Variants in CDKAL1 observed in about 807,000 individuals in gnomAD.
CDKAL1 encodes threonylcarbamoyladenosine tRNA methylthiotransferase.
CDKAL1 carries 32 observed loss-of-function variants against 68.2 expected under a neutral mutation model. That is an observed-to-expected ratio of 0.47 (90% CI 0.35 to 0.63). The LOEUF is 0.63. Among genes scored for constraint, CDKAL1 ranks in the 30% least tolerant of loss-of-function variants. The probability of loss-of-function intolerance (pLI) is 0.00; values close to 1 mark genes in which losing one functional copy is unlikely to be tolerated. For synonymous variants in CDKAL1, 234 were observed against 244.3 expected, an observed-to-expected ratio of 0.96 and a Z score of 0.39; for missense variants, 606 against 696.7, an observed-to-expected ratio of 0.87 and a Z score of 1.47.
At chr6:20,795,447 C>G (rs1290365418) in intron 8 of CDKAL1, among the ~76,000 whole-genome samples, 1 of 152,104 alleles carries the variant, frequency 6.6e-6, no homozygotes, top group Non-Finnish European at 1.5e-5. Flanking sequence ...TAGCTGCATA[C>G]TATCCTTGAG....
At chr6:20,550,277 C>G (rs1163784527) in intron 4 of CDKAL1, among the ~76,000 whole-genome samples, 1 of 152,108 alleles carries the variant, frequency 6.6e-6, no homozygotes, top group East Asian at 1.9e-4. Flanking sequence ...TGCACCTGGC[C>G]CGTCTTAGTT....
chr6:20,582,888 G>A (rs1765194342), intron 4 of CDKAL1, among the ~76,000 whole-genome samples: 1 of 152,116 alleles, frequency 6.6e-6, no homozygotes, highest in Non-Finnish European at 1.5e-5. Flanking sequence ...ATTGTTTCTG[G>A]GGGACTTCTC....
At chr6:21,106,303 G>A (rs1020131939) in intron 12 of CDKAL1, among the ~76,000 whole-genome samples, 5 of 152,186 alleles carry the variant, frequency 3.3e-5, no homozygotes, top group African/African-American at 4.8e-5. Context: ...GAAGTTTTGC[G>A]AGGACAAACT....
rs373001661 is a variant in CDKAL1, at chr6:20,622,723, TG to T, written c.287-26569del. On this transcript the variant is annotated intron_variant, in intron 4 of 15. Coordinates refer to ENST00000274695, the MANE Select transcript of CDKAL1 (RefSeq NM_017774.3). ...TGATCTTAGCCAAAAGGCCGAGAAG[TG>T]ATATTCTGCTATCTTTTACTTTGAC... 6.5e-4 allele frequency among the ~76,000 whole-genome samples: 75 copies of T among 114,610 alleles called. 1 individual carries two copies. The highest frequency in any genetic ancestry group is 2.3e-3 in the African/African-American group (73 of 31,758). The allele number at this position is 114,610 out of a possible 152,430, so 75.2% of individuals were successfully genotyped here. A position where few individuals can be genotyped will look rare whatever the true frequency, so the allele number is the denominator to read the frequency against.
At chr6:21,181,769 T>C (rs1777799482) in intron 13 of CDKAL1, among the ~76,000 whole-genome samples, 1 of 152,222 alleles carries the variant, frequency 6.6e-6, no homozygotes, top group South Asian at 2.1e-4. Context: ...TATATGGCCA[T>C]TTTGAGAAAA....
At chr6:20,854,765 T>C (rs1382449490) in intron 9 of CDKAL1, among the ~76,000 whole-genome samples, 2 of 152,244 alleles carry the variant, frequency 1.3e-5, no homozygotes, top group African/African-American at 2.4e-5. Flanking sequence ...CTCACTGCTA[T>C]TGGTGAGTTT....
At chr6:21,037,125 A>T (rs1486377096) in intron 11 of CDKAL1, among the ~76,000 whole-genome samples, 2 of 152,164 alleles carry the variant, frequency 1.3e-5, no homozygotes, top group Non-Finnish European at 2.9e-5. Context: ...ACGGAAACCC[A>T]ATATGTGACA....
intron 4 of CDKAL1, 41 bp from the exon 5 acceptor site, chr6:20,649,252 G>A (rs1455515170): frequency 3.8e-6 from 5 of 1,322,426 alleles, no homozygotes; most frequent in East Asian, 2.3e-5. Context: ...GAATGATTAA[G>A]TGTGCTACTT....
chr6:20,737,230 T>C (rs1773236592), intron 5 of CDKAL1, among the ~76,000 whole-genome samples: 1 of 152,262 alleles, frequency 6.6e-6, no homozygotes, highest in African/African-American at 2.4e-5. Context: ...TTCCTGTGTT[T>C]TCCTTTCTGC....
chr6:20,684,318 T>A (rs537601468), intron 5 of CDKAL1, among the ~76,000 whole-genome samples: 1 of 152,216 alleles, frequency 6.6e-6, no homozygotes, highest in Non-Finnish European at 1.5e-5. Context: ...GGCATGTGCC[T>A]GTATTCCCAG....
Position 20,831,696 on chromosome 6 carries a change from T to TA in CDKAL1, c.639-14378dup, listed in dbSNP as rs1777724422. Among the ~76,000 whole-genome samples, 2 of 152,196 alleles carry TA rather than the reference T, an allele frequency of 1.3e-5. 1 individual carries two copies. Among genetic ancestry groups the TA allele is most frequent in the South Asian group, 4.1e-4 (2 of 4,836 alleles). ...CAGTTGTTGTATACAATCCACTTTTTATCGCACATCACAATCTGATCAAGA... is the reference window on the plus strand; with the variant it reads ...CAGTTGTTGTATACAATCCACTTTTTAATCGCACATCACAATCTGATCAAGA... On this transcript the variant is annotated intron_variant, in intron 8 of 15. Coordinates refer to ENST00000274695, the MANE Select transcript of CDKAL1 (RefSeq NM_017774.3).
intron 10 of CDKAL1, chr6:20,993,351 C>T (rs1309250945): frequency 6.6e-6 from 1 of 151,354 alleles, no homozygotes; most frequent in Admixed American, 6.6e-5. Flanking sequence ...CTTAAATGAG[C>T]TGAAAACAAC....
At chr6:20,760,786 A>G (rs915535011) in intron 7 of CDKAL1, among the ~76,000 whole-genome samples, 1 of 152,172 alleles carries the variant, frequency 6.6e-6, no homozygotes, top group Admixed American at 6.6e-5. Context: ...CCACTCAATA[A>G]TTTTTTAAAA....
chr6:21,169,896 C>G (rs1482648151), intron 13 of CDKAL1, among the ~76,000 whole-genome samples: 2 of 150,692 alleles, frequency 1.3e-5, no homozygotes, highest in Non-Finnish European at 2.9e-5. Context: ...GACTTATTCT[C>G]TCTCACCAGA....
chr6:20,732,259 CTTTCTTTTTTT>C (rs1477360348), intron 5 of CDKAL1, among the ~76,000 whole-genome samples: 1 of 88,092 alleles, frequency 1.1e-5, no homozygotes, highest in African/African-American at 4.6e-5. Flanking sequence ...TCTTTTCTTT[CTTTCTTTTTTT>C]TTTTTTTTTT....
chr6:20,573,734 T>C (rs1274457860), intron 4 of CDKAL1, among the ~76,000 whole-genome samples: 1 of 152,198 alleles, frequency 6.6e-6, no homozygotes, highest in African/African-American at 2.4e-5. Flanking sequence ...AAATATGTCC[T>C]TTACCCATAC....
intron 5 of CDKAL1, among the ~76,000 whole-genome samples, chr6:20,703,786 G>A (rs556250018): frequency 1.4e-4 from 21 of 152,194 alleles, no homozygotes; most frequent in Admixed American, 1.2e-3. Flanking sequence ...AGAGGAGACT[G>A]TAGTAAGTGT....
At chr6:21,030,627 T>A (rs1769229944) in intron 11 of CDKAL1, among the ~76,000 whole-genome samples, 1 of 152,186 alleles carries the variant, frequency 6.6e-6, no homozygotes, top group Admixed American at 6.5e-5. Flanking sequence ...AACTTCAAGG[T>A]TTTGTGATGG....
At chr6:21,060,139 A>G (rs956040494) in intron 11 of CDKAL1, among the ~76,000 whole-genome samples, 1 of 152,198 alleles carries the variant, frequency 6.6e-6, no homozygotes, top group Admixed American at 6.5e-5. Flanking sequence ...GTTTGGTAGA[A>G]TTCACCATGA....
Sources: allele counts gnomAD v4.1 joint callset (sites outside exome capture counted in the v4.1 genomes callset), GRCh38; gene constraint gnomAD v4.1.1; transcripts MANE v1.5; gene names NCBI Gene and HGNC (gene_info 2026-07-23, HGNC 2026-07-21).